Variants in SHC2 observed in about 807,000 individuals in gnomAD.
SHC2 encodes SHC-transforming protein 2.
A neutral mutation model predicts 60.6 loss-of-function variants in SHC2; 62 were observed. The observed-to-expected ratio is 1.02, with a 90% confidence interval of 0.83 to 1.26. The LOEUF (loss-of-function observed/expected upper bound fraction) is 1.26, where lower values mean the gene tolerates loss of function less well. SHC2 is among the 50% of genes most tolerant of loss of function. SHC2 has a pLI of 0.00. For missense variants in SHC2, 873 were observed against 822.2 expected, an observed-to-expected ratio of 1.06 and a Z score of -0.76; for synonymous variants, 375 against 372.4, an observed-to-expected ratio of 1.01 and a Z score of -0.08.
rs12985010 is a variant in SHC2, at chr19:422,625, G to A, written c.1310-169C>T. The stretch of plus-strand genomic sequence containing the variant: ...ACTCGCACTCTGCCCAGCCCCGTGC[G>A]TGCGGTGGGCTCACATGTGTAGCAA... On this transcript the variant is annotated intron_variant, in intron 10 of 12. Coordinates refer to ENST00000264554, the MANE Select transcript of SHC2 (RefSeq NM_012435.3). This position sits in a 1 kb window ranked among gnomAD's most constrained non-coding sequence, Gnocchi z 5.0. 12,080 of 600,140 alleles carry A rather than the reference G, an allele frequency of 0.02. 271 individuals are homozygous for A. The highest frequency in any genetic ancestry group is 0.095 in the East Asian group (3,339 of 35,046). 37.2% of individuals were successfully genotyped at this position (600,140 alleles called of 1,614,324 possible).
chr19:441,593 T>A lies in SHC2; in HGVS notation c.469-661A>T, dbSNP rs1974871864. ...ACGTTGGCCCTTGCTGGAGGGAGGG[T>A]AAGGGGCACAGCCCACGTCATCTCT... On this transcript the variant is annotated intron_variant, in intron 1 of 12. Transcript: ENST00000264554. This position sits in a 1 kb window ranked among gnomAD's most constrained non-coding sequence, Gnocchi z 4.9. Among the ~76,000 whole-genome samples, 1 of 151,244 alleles carries A rather than the reference T, an allele frequency of 6.6e-6. No individual in the cohort carries two copies. Among genetic ancestry groups the A allele is most frequent in the African/African-American group, 2.4e-5 (1 of 41,048 alleles).
intron 1 of SHC2, among the ~76,000 whole-genome samples, chr19:444,048 G>A (rs1387668314): frequency 2.0e-5 from 3 of 149,338 alleles, no homozygotes; most frequent in Non-Finnish European, 4.5e-5. Flanking sequence ...TGGATGGACG[G>A]ATGGATGGAT....
intron 1 of SHC2, among the ~76,000 whole-genome samples, chr19:459,463 T>A (rs113264161): frequency 0.011 from 599 of 52,922 alleles, 1 homozygote; most frequent in Middle Eastern, 0.034. Context: ...GAAGGACCCC[T>A]CTCAACTCAG....
At chr19:447,256 G>C (rs1191213999) in intron 1 of SHC2, among the ~76,000 whole-genome samples, 1 of 151,800 alleles carries the variant, frequency 6.6e-6, no homozygotes, top group Non-Finnish European at 1.5e-5. Context: ...GGCCAAGACA[G>C]GCCGATCCAC....
intron 4 of SHC2, among the ~76,000 whole-genome samples, chr19:437,412 G>C (rs936216210): frequency 8.5e-5 from 13 of 152,136 alleles, no homozygotes; most frequent in Admixed American, 6.5e-4. Context: ...GCATGGTCCT[G>C]CTTCATTTGC....
rs547636954 is a variant in SHC2, at chr19:445,425, T to A, written c.469-4493A>T. On this transcript the variant is annotated intron_variant, in intron 1 of 12. Transcript: ENST00000264554. The surrounding 1 kb of genome is among the most constrained non-coding windows in gnomAD (Gnocchi z 4.4). ...CGCCTCGATCGTGGCCCTCCCAGCC[T>A]CCAGAACCGTGAGAAATAAATTTCT... is the stretch of plus-strand genomic sequence containing the variant. Among the ~76,000 whole-genome samples, 6 of 152,276 alleles carry A rather than the reference T, an allele frequency of 3.9e-5. No individual in the cohort carries two copies. In the South Asian group the frequency reaches 1.2e-3, roughly 32 times the overall value.
rs112440065 is a variant in SHC2, at chr19:459,470, T to C, written c.468+1059A>G. Among the ~76,000 whole-genome samples the C allele has an allele frequency of 4.0e-3, 401 of 100,934 alleles. 1 individual carries two copies. The highest frequency in any genetic ancestry group is 0.013 in the Middle Eastern group (2 of 158). 66.2% of individuals were successfully genotyped at this position (100,934 alleles called of 152,430 possible). A position where few individuals can be genotyped will look rare whatever the true frequency, so the allele number is the denominator to read the frequency against. On this transcript the variant is annotated intron_variant, in intron 1 of 12. Transcript: ENST00000264554. ...CGTAGGGGGAAGGACCCCTCTCAAC[T>C]CAGCGTAGGGGGAAGGACCCCACTG...
At chr19:452,738 C>T (rs1006710106) in intron 1 of SHC2, among the ~76,000 whole-genome samples, 7 of 152,286 alleles carry the variant, frequency 4.6e-5, no homozygotes, top group African/African-American at 9.6e-5. Context: ...GACGGCCACA[C>T]GCAGCTGCAG....
rs1975061147 is a variant in SHC2, at chr19:446,647, T to A, written c.469-5715A>T. ...CCCCACAGTTTGTGGTGGTTTGTGG[T>A]GGCAGCCCCGGGACCCTCCCACAGA... On this transcript the variant is annotated intron_variant, in intron 1 of 12. Coordinates refer to ENST00000264554, the MANE Select transcript of SHC2 (RefSeq NM_012435.3). This position sits in a 1 kb window ranked among gnomAD's most constrained non-coding sequence, Gnocchi z 5.4. Among the ~76,000 whole-genome samples, 1 of 152,128 alleles carries A rather than the reference T, an allele frequency of 6.6e-6. No individual in the cohort carries two copies. The highest frequency in any genetic ancestry group is 1.5e-5 in the Non-Finnish European group (1 of 68,010).
At chr19:434,375 A>AGAT (rs1009282091) in intron 8 of SHC2, among the ~76,000 whole-genome samples, 1 of 36,964 alleles carries the variant, frequency 2.7e-5, no homozygotes, top group Non-Finnish European at 5.3e-5. Flanking sequence ...ATCGTGAGTG[A>AGAT]GATGATGAGT....
chr19:421,344 G>C (rs1292316542), intron 11 of SHC2, among the ~76,000 whole-genome samples: 1 of 150,468 alleles, frequency 6.6e-6, no homozygotes, highest in Non-Finnish European at 1.5e-5. Context: ...AGCTTGCAGT[G>C]AGCCGAGATT....
chr19:451,825 G>C (rs2145749883), intron 1 of SHC2, among the ~76,000 whole-genome samples: 1 of 152,328 alleles, frequency 6.6e-6, no homozygotes, highest in South Asian at 2.1e-4. Flanking sequence ...TCGAACTCCT[G>C]ACCTCAGGTG....
chr19:457,133 A>T (rs1229604489), intron 1 of SHC2, among the ~76,000 whole-genome samples: 1,397 of 117,028 alleles, frequency 0.012, 5 homozygotes, highest in African/African-American at 0.021. Flanking sequence ...CCCGACTAGA[A>T]CTCTGTCTGC....
At chr19:420,571 T>C (rs1974244503) in intron 11 of SHC2, among the ~76,000 whole-genome samples, 1 of 152,196 alleles carries the variant, frequency 6.6e-6, no homozygotes, top group Admixed American at 6.5e-5. Flanking sequence ...AAGCTGGAGA[T>C]TACTAAATCT....
Position 439,292 on chromosome 19 carries a change from G to A in SHC2, c.540-262C>T, listed in dbSNP as rs748955174. On this transcript the variant is annotated intron_variant, in intron 2 of 12. Coordinates refer to ENST00000264554, the MANE Select transcript of SHC2 (RefSeq NM_012435.3). ...TTGGGCACCAGCCCACTCCACGTGC[G>A]TCCTTGCATCCGGCAGAGGCCCGGC... 97 of 550,342 alleles carry A rather than the reference G, an allele frequency of 1.8e-4. 1 individual carries two copies. Among genetic ancestry groups the A allele is most frequent in the South Asian group, 1.1e-3 (47 of 44,046 alleles). The allele number at this position is 550,342 out of a possible 1,614,324, so 34.1% of individuals were successfully genotyped here.
intron 2 of SHC2, among the ~76,000 whole-genome samples, chr19:439,923 G>A (rs1321602977): frequency 6.6e-6 from 1 of 151,818 alleles, no homozygotes; most frequent in Non-Finnish European, 1.5e-5. Context: ...CTACTGGGGA[G>A]GCTGAGGCAA....
rs115547313 is a variant in SHC2 at position 449,268 on chromosome 19, G to A, written c.469-8336C>T. 3.4e-3 allele frequency among the ~76,000 whole-genome samples: 520 copies of A among 152,300 alleles called. 3 individuals carry two copies. Among genetic ancestry groups the A allele is most frequent in the African/African-American group, 0.012 (485 of 41,564 alleles). On this transcript the variant is annotated intron_variant, in intron 1 of 12. Coordinates refer to ENST00000264554, the MANE Select transcript of SHC2 (RefSeq NM_012435.3). ...GTCTCAGCAAGAGGCTGAGGTGCAA[G>A]GATCGCTTGAACCCAGGAGGCGGAG... is the stretch of plus-strand genomic sequence containing the variant.
In SHC2 at chr19:445,077, T is replaced by G. The variant is rs1975020736; in HGVS notation, c.469-4145A>C. On this transcript the variant is annotated intron_variant, in intron 1 of 12. Transcript: ENST00000264554. The surrounding 1 kb of genome is among the most constrained non-coding windows in gnomAD (Gnocchi z 4.4). The stretch of plus-strand genomic sequence containing the variant: ...ATGTCCCACGCTCCACGGCGCCCAG[T>G]GCTGCCGGCCATGTGCTTTTTTAAA... Among the ~76,000 whole-genome samples, 1 of 152,264 alleles carries G rather than the reference T, an allele frequency of 6.6e-6. No homozygotes were observed. The highest frequency in any genetic ancestry group is 1.5e-5 in the Non-Finnish European group (1 of 68,044).
At position 429,048 on chromosome 19, in the gene SHC2, C is replaced by G. The variant is rs144915167; in HGVS notation, c.1174+1636G>C. On this transcript the variant is annotated intron_variant, in intron 9 of 12. Coordinates refer to ENST00000264554, the MANE Select transcript of SHC2 (RefSeq NM_012435.3). ...TAATACCGTGTGGATGACGCAGTAC[C>G]TATATCCCAACATGCACAGAAACCT... is the stretch of plus-strand genomic sequence containing the variant. 5.9e-3 allele frequency among the ~76,000 whole-genome samples: 899 copies of G among 151,252 alleles called. 4 individuals are homozygous for G. Among genetic ancestry groups the G allele is most frequent in the African/African-American group, 7.8e-3 (321 of 41,158 alleles).
Sources: allele counts gnomAD v4.1 joint callset (sites outside exome capture counted in the v4.1 genomes callset), GRCh38; gene constraint gnomAD v4.1.1; non-coding constraint Gnocchi (gnomAD v3.1); transcripts MANE v1.5; gene names NCBI Gene and HGNC (gene_info 2026-07-23, HGNC 2026-07-21).